NF1: variants seen among roughly 807,000 people sequenced by gnomAD.
NF1 encodes the protein neurofibromin.
Under a neutral mutation model 325.7 loss-of-function variants are expected in NF1, and 122 were observed. The observed-to-expected ratio is 0.37, with a 90% CI of 0.32 to 0.44. The LOEUF is 0.44. NF1 is among the 20% of genes least tolerant of loss of function. The pLI is 1.00. For missense variants in NF1, 2,140 were observed against 3,415.4 expected (o/e 0.63, Z 9.31); for synonymous variants, 1,091 against 1,186.0 (o/e 0.92, Z 1.65).
At chr17:31,222,182 G>T in intron 15 of NF1, 1 of 1,167,192 alleles carries the variant, frequency 8.6e-7, no homozygotes, top group Non-Finnish European at 1.1e-6. Flanking sequence ...ACTGTTGTTT[G>T]GTATATTACT....
chr17:31,190,781 T>C (rs1177108571), intron 8 of NF1, among the ~76,000 whole-genome samples: 1 of 152,224 alleles, frequency 6.6e-6, no homozygotes, highest in Non-Finnish European at 1.5e-5. Flanking sequence ...TCCCCAATAG[T>C]TGCAGCAGGT....
intron 1 of NF1, among the ~76,000 whole-genome samples, chr17:31,111,087 A>T (rs1322320706): frequency 6.6e-6 from 1 of 152,184 alleles, no homozygotes; most frequent in East Asian, 1.9e-4. Context: ...CCCCCCATTA[A>T]TAATTAATTG....
At position 31,337,833 on chromosome 17, in the gene NF1, T is replaced by G. The variant is rs786203831; in HGVS notation, c.6657T>G (p.Asp2219Glu). 3.1e-6 allele frequency: 5 copies of G among 1,613,910 alleles called. No homozygotes were observed. Among genetic ancestry groups the G allele is most frequent in the Non-Finnish European group, 3.4e-6 (4 of 1,179,838 alleles). Residue 2219 changes from aspartate to glutamate, a missense_variant, in exon 44 of 58, where the codon GAT (aspartate) becomes GAG (glutamate). This residue lies in a region of NF1 where 522 missense variants were observed against 749.0 expected (regional missense o/e 0.70). Coordinates refer to ENST00000358273, the MANE Select transcript of NF1 (RefSeq NM_001042492.3). ...LLEIMEACMR[D>E]IPTCKWLDQW... ...CCCTTTTTTAGGCATGCATGAGAGATATTCCAACGTGCAAGTGGCTGGACC... is the reference window on the plus strand; with the variant it reads ...CCCTTTTTTAGGCATGCATGAGAGAGATTCCAACGTGCAAGTGGCTGGACC...
chr17:31,235,881 G>A (rs1446090378), intron 28 of NF1, 37 bp from the exon 29 acceptor site: 1 of 1,607,138 alleles, frequency 6.2e-7, no homozygotes, highest in Non-Finnish European at 8.5e-7. Context: ...AATATATGGA[G>A]CAGGTATAAT....
At chr17:31,283,986 C>A (rs1597779467) in intron 36 of NF1, among the ~76,000 whole-genome samples, 2 of 152,318 alleles carry the variant, frequency 1.3e-5, no homozygotes, top group South Asian at 4.1e-4. Context: ...TTGCCTTGTA[C>A]AACAAAGATA....
chr17:31,115,004 C>T (rs1913775720), intron 1 of NF1, among the ~76,000 whole-genome samples: 1 of 152,196 alleles, frequency 6.6e-6, no homozygotes, highest in South Asian at 2.1e-4. Flanking sequence ...ACATAGTCCT[C>T]TTTGTCCCCA....
At chr17:31,238,720 C>T (rs371488674) in intron 29 of NF1, among the ~76,000 whole-genome samples, 26 of 146,654 alleles carry the variant, frequency 1.8e-4, no homozygotes, top group African/African-American at 5.8e-4. Context: ...GGCGACAGAG[C>T]GAGACTCTGT....
chr17:31,355,275 T>A (rs148559113), intron 51 of NF1, among the ~76,000 whole-genome samples: 5 of 152,336 alleles, frequency 3.3e-5, no homozygotes, highest in African/African-American at 1.2e-4. Flanking sequence ...TGGAAAGCAC[T>A]GACTGGTTTT....
chr17:31,196,675 T>TA lies in NF1; in HGVS notation c.889-3745dup, dbSNP rs575910946. On this transcript the variant is annotated intron_variant, in intron 8 of 57. Transcript: ENST00000358273. ...TATAGGAGTTTTATAGCTTTACTGT[T>TA]AAGTTTTGGTCTTTGATCTATTTTG... is the stretch of plus-strand genomic sequence containing the variant. Among the ~76,000 whole-genome samples the TA allele has an allele frequency of 2.8e-4, 43 of 152,292 alleles. No homozygotes were observed. The East Asian group carries it at 7.9e-3, about 28-fold the overall frequency.
At chr17:31,108,501 C>G (rs1913096873) in intron 1 of NF1, among the ~76,000 whole-genome samples, 1 of 152,034 alleles carries the variant, frequency 6.6e-6, no homozygotes, top group Non-Finnish European at 1.5e-5. Flanking sequence ...GTCTCGAACT[C>G]CTGACCTCAA....
intron 39 of NF1, among the ~76,000 whole-genome samples, chr17:31,332,497 G>T (rs2069528140): frequency 6.6e-6 from 1 of 151,204 alleles, no homozygotes; most frequent in African/African-American, 2.4e-5. Flanking sequence ...ATGAATGAAT[G>T]AATGAATAAA....
intron 8 of NF1, among the ~76,000 whole-genome samples, chr17:31,197,094 G>A (rs2066446334): frequency 6.6e-6 from 1 of 151,768 alleles, no homozygotes; most frequent in Admixed American, 6.6e-5. Flanking sequence ...GCCCAGGCTG[G>A]AGTACAGTGG....
chr17:31,186,727 A>C (rs1192580640), intron 8 of NF1, among the ~76,000 whole-genome samples: 1 of 152,208 alleles, frequency 6.6e-6, no homozygotes, highest in Non-Finnish European at 1.5e-5. Flanking sequence ...TGTGGATGCC[A>C]CTTAGCCTCT....
At position 31,337,359 on chromosome 17, in the gene NF1, C is replaced by T. The variant is rs1418018519; in HGVS notation, c.6428-9C>T. On this transcript the variant is annotated splice_polypyrimidine_tract_variant and intron_variant, in intron 42 of 57. Transcript: ENST00000358273. ...TTCTGTCTTTACTTGTTCCTTTATT[C>T]TCTTACAGAAGAGACCAAGCAAGTT... The T allele has an allele frequency of 6.3e-7, 1 of 1,599,628 alleles. No individual in the cohort carries two copies. Among genetic ancestry groups the T allele is most frequent in the Admixed American group, 1.7e-5 (1 of 59,954 alleles).
chr17:31,109,033 C>G (rs1913163277), intron 1 of NF1, among the ~76,000 whole-genome samples: 1 of 152,210 alleles, frequency 6.6e-6, no homozygotes, highest in African/African-American at 2.4e-5. Context: ...TGCTGCTTCC[C>G]TGTATAAGTG....
chr17:31,095,464 G>T, intron 1 of NF1, 95 bp downstream of exon 1: 1 of 1,256,008 alleles, frequency 8.0e-7, no homozygotes, highest in Non-Finnish European at 1.1e-6. Flanking sequence ...CCCCGCGGCT[G>T]CCTCAGGCTC....
chr17:31,307,010 C>T (rs2068741351), intron 36 of NF1, among the ~76,000 whole-genome samples: 1 of 151,680 alleles, frequency 6.6e-6, no homozygotes, highest in Non-Finnish European at 1.5e-5. Context: ...AGAAAAAAAG[C>T]TAAAAAATAA....
intron 29 of NF1, among the ~76,000 whole-genome samples, chr17:31,238,732 T>TAAA (rs796369919): frequency 8.3e-6 from 1 of 120,950 alleles, no homozygotes; most frequent in Non-Finnish European, 1.8e-5. Flanking sequence ...AGACTCTGTC[T>TAAA]AAAAAAAAAA....
chr17:31,279,725 G>C (rs2068081202), intron 36 of NF1, among the ~76,000 whole-genome samples: 1 of 152,058 alleles, frequency 6.6e-6, no homozygotes, highest in African/African-American at 2.4e-5. Flanking sequence ...CTCTTCAATA[G>C]TAAAATCTCA....
Sources: gnomAD v4.1 joint callset for allele counts (sites outside exome capture counted in the v4.1 genomes callset) on GRCh38, gnomAD v4.1.1 for gene constraint, gnomAD v4.1.1 regional missense constraint, MANE v1.5 for transcripts, NCBI Gene and HGNC (gene_info 2026-07-23, HGNC 2026-07-21) for gene names.